Variants in ARHGAP24 observed in about 807,000 individuals in gnomAD.
ARHGAP24 encodes Rho GTPase activating protein 24.
A neutral mutation model predicts 76.4 loss-of-function variants in ARHGAP24; 50 were observed. The observed-to-expected ratio is 0.65, with a 90% CI of 0.52 to 0.83. ARHGAP24 has a LOEUF of 0.83. Among genes scored for constraint, ARHGAP24 ranks in the 40% least tolerant of loss-of-function variants. The pLI is 0.00. For missense variants in ARHGAP24, 930 were observed against 914.2 expected (o/e 1.02, Z -0.22); for synonymous variants, 345 against 323.3 (o/e 1.07, Z -0.72).
At chr4:85,531,455 A>G (rs1480844633) in intron 1 of ARHGAP24, among the ~76,000 whole-genome samples, 1 of 152,038 alleles carries the variant, frequency 6.6e-6, no homozygotes, top group Non-Finnish European at 1.5e-5. Context: ...TCCTACTCAC[A>G]AATGACTTTC....
intron 3 of ARHGAP24, among the ~76,000 whole-genome samples, chr4:85,771,402 A>C (rs1184424827): frequency 6.6e-6 from 1 of 152,234 alleles, no homozygotes; most frequent in Non-Finnish European, 1.5e-5. Context: ...AAAAGCAGAC[A>C]AAGTAAATTC....
At chr4:85,942,910 CT>C (rs1217077667) in intron 5 of ARHGAP24, among the ~76,000 whole-genome samples, 1 of 151,938 alleles carries the variant, frequency 6.6e-6, no homozygotes, top group Non-Finnish European at 1.5e-5. Flanking sequence ...AAAATTTTAT[CT>C]TAATATTATC....
intron 2 of ARHGAP24, among the ~76,000 whole-genome samples, chr4:85,651,684 G>A (rs1380938475): frequency 7.3e-6 from 1 of 137,218 alleles, no homozygotes; most frequent in Non-Finnish European, 1.5e-5. Context: ...TCCTCTTTTT[G>A]TCTAATAATA....
At chr4:85,845,889 A>G (rs1411017659) in intron 3 of ARHGAP24, among the ~76,000 whole-genome samples, 1 of 152,068 alleles carries the variant, frequency 6.6e-6, no homozygotes, top group Non-Finnish European at 1.5e-5. Flanking sequence ...TTAAGAATAT[A>G]ATTTTTTTTC....
intron 3 of ARHGAP24, among the ~76,000 whole-genome samples, chr4:85,748,716 A>T (rs1192180203): frequency 2.0e-5 from 3 of 152,254 alleles, no homozygotes; most frequent in Non-Finnish European, 4.4e-5. Flanking sequence ...TTATCTCCCA[A>T]GTATGATGCA....
intron 2 of ARHGAP24, among the ~76,000 whole-genome samples, chr4:85,571,376 G>C (rs954533289): frequency 6.6e-6 from 1 of 152,210 alleles, no homozygotes; most frequent in African/African-American, 2.4e-5. Flanking sequence ...TTCCATAGTT[G>C]CAACAGTTTT....
intron 3 of ARHGAP24, among the ~76,000 whole-genome samples, chr4:85,765,959 C>T (rs1238590894): frequency 6.6e-6 from 1 of 152,068 alleles, no homozygotes; most frequent in Non-Finnish European, 1.5e-5. Context: ...TTTTTGCCAG[C>T]AGGAATTTAT....
At chr4:85,802,827 G>C (rs956369100) in intron 3 of ARHGAP24, among the ~76,000 whole-genome samples, 3 of 152,188 alleles carry the variant, frequency 2.0e-5, no homozygotes, top group South Asian at 2.1e-4. Context: ...CGAAACTTTA[G>C]TTATAAAGGA....
chr4:85,552,718 A>C (rs1225805460), intron 1 of ARHGAP24, among the ~76,000 whole-genome samples: 2 of 152,178 alleles, frequency 1.3e-5, no homozygotes, highest in African/African-American at 4.8e-5. Context: ...AAGTGCATAC[A>C]TATATTTAGG....
rs72967099 is a variant in ARHGAP24, at chr4:85,644,990, G to A, written c.180+74269G>A. On this transcript the variant is annotated intron_variant, in intron 2 of 9. Coordinates refer to ENST00000395184, the MANE Select transcript of ARHGAP24 (RefSeq NM_001025616.3). ...GGGCTTCATGATGATAGTCGTGAAC[G>A]TGCTCTGTTACTTTAAAAAATTGAC... is the stretch of plus-strand genomic sequence containing the variant. Among the ~76,000 whole-genome samples the A allele has an allele frequency of 4.0e-3, 612 of 152,132 alleles. 3 individuals are homozygous for A. Among genetic ancestry groups the A allele is most frequent in the African/African-American group, 0.014 (583 of 41,522 alleles).
intron 1 of ARHGAP24, among the ~76,000 whole-genome samples, chr4:85,511,717 G>A (rs868729254): frequency 6.6e-5 from 10 of 152,032 alleles, no homozygotes; most frequent in Non-Finnish European, 8.8e-5. Context: ...CACCCGCCTC[G>A]GCCTCCCAAA....
chr4:85,583,540 T>A (rs949730765), intron 2 of ARHGAP24, among the ~76,000 whole-genome samples: 5 of 152,076 alleles, frequency 3.3e-5, no homozygotes, highest in Non-Finnish European at 5.9e-5. Context: ...GGGCAAGGAC[T>A]TCATGTCTAA....
intron 3 of ARHGAP24, chr4:85,828,008 G>T: frequency 7.9e-7 from 1 of 1,273,528 alleles, no homozygotes; most frequent in Non-Finnish European, 1.0e-6. Context: ...TTAATTTGGA[G>T]ACAAATTGCC....
intron 3 of ARHGAP24, among the ~76,000 whole-genome samples, chr4:85,785,612 T>C (rs1414279027): frequency 6.6e-6 from 1 of 152,166 alleles, no homozygotes; most frequent in Non-Finnish European, 1.5e-5. Flanking sequence ...TGCTTATATG[T>C]GGTTTTCTTT....
chr4:85,872,772 A>ATT (rs199857883), intron 3 of ARHGAP24, among the ~76,000 whole-genome samples: 1 of 143,060 alleles, frequency 7.0e-6, no homozygotes, highest in African/African-American at 2.6e-5. Context: ...TAACTTTTGT[A>ATT]TTTTTTTTTG....
chr4:85,569,688 T>TTTTG (rs887532923), intron 1 of ARHGAP24, among the ~76,000 whole-genome samples: 2 of 152,128 alleles, frequency 1.3e-5, no homozygotes, highest in African/African-American at 4.8e-5. Context: ...AAGCAGGTGT[T>TTTTG]TTTGTTTGTT....
rs757109563 is a variant in ARHGAP24, at chr4:85,995,120, G to A, written c.1466G>A (p.Ser489Asn). Residue 489 changes from serine to asparagine, a missense_variant, in exon 9 of 10, where the codon AGC (serine) becomes AAC (asparagine). By Grantham distance (46) the Ser-to-Asn change is conservative. Coordinates refer to ENST00000395184, the MANE Select transcript of ARHGAP24 (RefSeq NM_001025616.3). ...NGTVRMGILN[S>N]DTLGNPTNVR... Reference sequence around the variant, plus strand: ...ACGGTGCGCATGGGCATTTTGAACAGCGACACACTCGGGAACCCCACAAAT... The same window carrying A: ...ACGGTGCGCATGGGCATTTTGAACAACGACACACTCGGGAACCCCACAAAT... 1 of 1,614,022 alleles carries A rather than the reference G, an allele frequency of 6.2e-7. No individual in the cohort carries two copies. Among genetic ancestry groups the A allele is most frequent in the South Asian group, 1.1e-5 (1 of 91,078 alleles).
intron 3 of ARHGAP24, among the ~76,000 whole-genome samples, chr4:85,838,139 C>A (rs28510473): frequency 0.011 from 1,685 of 152,236 alleles, 30 homozygotes; most frequent in African/African-American, 0.038. Context: ...TGCTATAAAC[C>A]ACAGATGGGA....
At chr4:85,522,391 T>C (rs1721533925) in intron 1 of ARHGAP24, among the ~76,000 whole-genome samples, 1 of 152,186 alleles carries the variant, frequency 6.6e-6, no homozygotes, top group Non-Finnish European at 1.5e-5. Flanking sequence ...ACATAATTGC[T>C]ACAAATAATT....
Sources: gnomAD v4.1 joint callset for allele counts (sites outside exome capture counted in the v4.1 genomes callset) on GRCh38, gnomAD v4.1.1 for gene constraint, MANE v1.5 for transcripts, NCBI Gene and HGNC (gene_info 2026-07-23, HGNC 2026-07-21) for gene names.